Variants in ELAVL4 observed in about 807,000 individuals in gnomAD.
The protein encoded by ELAVL4 is ELAV like RNA binding protein 4, also known as ELAV-like protein 4.
Under a neutral mutation model 35.6 loss-of-function variants are expected in ELAVL4, and 1 was observed. The ratio of observed to expected loss-of-function variants is 0.03; its 90% CI spans 0.01 to 0.13. ELAVL4 has a LOEUF of 0.13. Ranked by LOEUF, ELAVL4 falls within the 10% of genes least tolerant of loss-of-function variation. The pLI is 1.00. For missense variants in ELAVL4, 267 were observed against 464.9 expected (o/e 0.57, Z 3.91); for synonymous variants, 156 against 171.0 (o/e 0.91, Z 0.69).
At chr1:50,072,718 C>A (rs1664587028) in intron 1 of ELAVL4, among the ~76,000 whole-genome samples, 1 of 152,154 alleles carries the variant, frequency 6.6e-6, no homozygotes, top group African/African-American at 2.4e-5. Flanking sequence ...TGATTGAATT[C>A]TTGCCAAATG....
chr1:50,127,310 G>A (rs955863169), intron 1 of ELAVL4, among the ~76,000 whole-genome samples: 1 of 152,124 alleles, frequency 6.6e-6, no homozygotes, highest in Non-Finnish European at 1.5e-5. Flanking sequence ...TTCCCTGTCA[G>A]TGGGGAGACA....
intron 1 of ELAVL4, among the ~76,000 whole-genome samples, chr1:50,091,068 G>T (rs1330596336): frequency 6.6e-6 from 1 of 152,162 alleles, no homozygotes; most frequent in African/African-American, 2.4e-5. Context: ...TATCTTTGAG[G>T]TTCTCTGATT....
intron 3 of ELAVL4, among the ~76,000 whole-genome samples, chr1:50,179,219 C>T (rs12043872): frequency 0.041 from 6,298 of 152,134 alleles, 206 homozygotes; most frequent in East Asian, 0.11. Context: ...TTGCACCCAG[C>T]GGTAATGTGG....
At chr1:50,062,228 G>T (rs1396658093) in intron 1 of ELAVL4, among the ~76,000 whole-genome samples, 17 of 152,172 alleles carry the variant, frequency 1.1e-4, no homozygotes, top group Admixed American at 1.1e-3. Context: ...AAAACAAGGA[G>T]AATAAGCAGA....
intron 2 of ELAVL4, among the ~76,000 whole-genome samples, chr1:50,170,362 A>G (rs950995947): frequency 2.0e-5 from 3 of 152,230 alleles, no homozygotes; most frequent in Admixed American, 6.5e-5. Context: ...AAGAAATAGC[A>G]TATACCAAGA....
intron 5 of ELAVL4, among the ~76,000 whole-genome samples, chr1:50,196,254 C>T (rs1185784876): frequency 2.0e-5 from 3 of 152,142 alleles, no homozygotes; most frequent in African/African-American, 7.2e-5. Flanking sequence ...GGGGAAGTGC[C>T]TTTGGTGTTA....
intron 1 of ELAVL4, among the ~76,000 whole-genome samples, chr1:50,053,789 G>A (rs1224000876): frequency 6.6e-6 from 1 of 152,124 alleles, no homozygotes; most frequent in Non-Finnish European, 1.5e-5. Context: ...ATCAAGAAGT[G>A]CGTCATAGAG....
chr1:50,084,504 A>C (rs1665150510), intron 1 of ELAVL4, among the ~76,000 whole-genome samples: 1 of 152,016 alleles, frequency 6.6e-6, no homozygotes, highest in African/African-American at 2.4e-5. Context: ...TGACCCTCCC[A>C]TTTACCCTTC....
At chr1:50,186,117 T>C (rs1417882773) in intron 3 of ELAVL4, among the ~76,000 whole-genome samples, 1 of 152,190 alleles carries the variant, frequency 6.6e-6, no homozygotes, top group African/African-American at 2.4e-5. Context: ...ATCTTTTCTA[T>C]TCTTTAAAAG....
chr1:50,138,899 A>G (rs1672343746), intron 1 of ELAVL4, among the ~76,000 whole-genome samples: 1 of 152,212 alleles, frequency 6.6e-6, no homozygotes, highest in Admixed American at 6.5e-5. Flanking sequence ...CAAGATGACA[A>G]GAATTCTGCT....
chr1:50,201,410 T>G lies in ELAVL4; in HGVS notation c.*232T>G. On this transcript the variant is annotated 3_prime_UTR_variant, in exon 7 of 7. Transcript: ENST00000371824. The surrounding 1 kb of genome is among the most constrained non-coding windows in gnomAD (Gnocchi z 4.3). The stretch of plus-strand genomic sequence containing the variant: ...AAAAAGAAAAAAAAAAAACAAAAAA[T>G]ACCTTTGATGCATTGAATGTTCTTT... 3.2e-6 allele frequency: 1 copy of G among 310,562 alleles called. No homozygotes were observed. The highest frequency in any genetic ancestry group is 5.6e-6 in the Non-Finnish European group (1 of 177,182). The allele number at this position is 310,562 out of a possible 1,614,324, so 19.2% of individuals were successfully genotyped here.
At chr1:50,086,924 C>T (rs1665273274) in intron 1 of ELAVL4, among the ~76,000 whole-genome samples, 1 of 152,098 alleles carries the variant, frequency 6.6e-6, no homozygotes, top group Non-Finnish European at 1.5e-5. Flanking sequence ...ATTCTGAGCC[C>T]CTCAAGTCAC....
intron 3 of ELAVL4, among the ~76,000 whole-genome samples, chr1:50,185,748 A>C (rs567836593): frequency 2.6e-5 from 4 of 152,312 alleles, no homozygotes; most frequent in African/African-American, 9.6e-5. Flanking sequence ...TTCCATCTAC[A>C]TGTTTCAGTG....
At chr1:50,160,818 A>ACT (rs1319340811) in intron 2 of ELAVL4, among the ~76,000 whole-genome samples, 1 of 152,224 alleles carries the variant, frequency 6.6e-6, no homozygotes, top group Non-Finnish European at 1.5e-5. Flanking sequence ...ACTCTGTGCC[A>ACT]AGCCCTCTCA....
In ELAVL4 at chr1:50,137,305, A is replaced by AG. The variant is rs143560496; in HGVS notation, c.10-7647dup. 3.1e-3 allele frequency among the ~76,000 whole-genome samples: 472 copies of AG among 152,264 alleles called. 1 individual carries two copies. Among genetic ancestry groups the AG allele is most frequent in the African/African-American group, 0.011 (453 of 41,572 alleles). On this transcript the variant is annotated intron_variant, in intron 1 of 6. Coordinates refer to ENST00000371824, the MANE Select transcript of ELAVL4 (RefSeq NM_001144774.3). ...ACAATGATTCTCCTCCACTGTGAGG[A>AG]GGGGGATCAATCCTGTAACTCTAGC...
intron 6 of ELAVL4, among the ~76,000 whole-genome samples, chr1:50,199,665 G>C (rs1214224963): frequency 6.6e-6 from 1 of 150,408 alleles, no homozygotes; most frequent in Non-Finnish European, 1.5e-5. Flanking sequence ...CCAAGATAAC[G>C]CCACTGCACT....
At chr1:50,112,141 T>C (rs893840793) in intron 1 of ELAVL4, among the ~76,000 whole-genome samples, 3 of 152,130 alleles carry the variant, frequency 2.0e-5, no homozygotes, top group Non-Finnish European at 2.9e-5. Context: ...ATTTAAAAAT[T>C]TTATTTTCAC....
upstream of ELAVL4, among the ~76,000 whole-genome samples, chr1:50,105,385 G>A (rs900379329): frequency 6.6e-6 from 1 of 151,980 alleles, no homozygotes; most frequent in Non-Finnish European, 1.5e-5. Context: ...TTCATTCTTC[G>A]CAGTTCTTAT....
chr1:50,164,588 G>C (rs1458983871), intron 2 of ELAVL4, among the ~76,000 whole-genome samples: 3 of 152,148 alleles, frequency 2.0e-5, no homozygotes, highest in Admixed American at 1.3e-4. Flanking sequence ...TTGAGGCCAG[G>C]AGTTCAAGAC....
Sources: allele counts gnomAD v4.1 joint callset (sites outside exome capture counted in the v4.1 genomes callset), GRCh38; gene constraint gnomAD v4.1.1; non-coding constraint Gnocchi (gnomAD v3.1); transcripts MANE v1.5; gene names NCBI Gene and HGNC (gene_info 2026-07-23, HGNC 2026-07-21).